The following BTBD9 variants were observed in gnomAD, a reference collection of about 807,000 sequenced individuals.
BTBD9 encodes BTB domain containing 9.
In BTBD9, 49 loss-of-function variants were observed where a neutral mutation model predicts 64.3. That is an observed-to-expected ratio of 0.76 (90% CI 0.61 to 0.97). BTBD9 has a LOEUF of 0.97. Among genes scored for constraint, BTBD9 ranks in the 50% least tolerant of loss-of-function variants. The pLI, the probability that BTBD9 is intolerant of heterozygous loss-of-function variation, is 0.00. For synonymous variants in BTBD9, 260 were observed against 274.7 expected (o/e 0.95, Z 0.53); for missense variants, 598 against 762.1 (o/e 0.78, Z 2.53).
chr6:38,542,590 T>C (rs961424366), intron 6 of BTBD9, among the ~76,000 whole-genome samples: 3 of 152,204 alleles, frequency 2.0e-5, no homozygotes, highest in African/African-American at 7.2e-5. Flanking sequence ...CATAGTATTT[T>C]TATAAACTAC....
chr6:38,636,978 T>C (rs1781708), intron 1 of BTBD9, among the ~76,000 whole-genome samples: 99,397 of 151,962 alleles, frequency 0.65, 32,902 homozygotes, highest in African/African-American at 0.76. Context: ...CCAAAAGCGC[T>C]ATTTAATTTT....
intron 6 of BTBD9, among the ~76,000 whole-genome samples, chr6:38,509,051 C>T (rs1008429971): frequency 6.6e-6 from 1 of 152,168 alleles, no homozygotes; most frequent in Non-Finnish European, 1.5e-5. Context: ...TTTTTAAACA[C>T]TTACTTGTAT....
chr6:38,293,416 C>A (rs1762035836), intron 7 of BTBD9, among the ~76,000 whole-genome samples: 1 of 152,142 alleles, frequency 6.6e-6, no homozygotes, highest in Non-Finnish European at 1.5e-5. Flanking sequence ...TGACTTCAAA[C>A]TACACTACAA....
intron 6 of BTBD9, among the ~76,000 whole-genome samples, chr6:38,380,282 TA>T (rs1765876149): frequency 6.6e-6 from 1 of 152,082 alleles, no homozygotes; most frequent in South Asian, 2.1e-4. Context: ...AGATTCTTAC[TA>T]AAGGAAATTC....
At chr6:38,616,732 G>A (rs995774572) in intron 1 of BTBD9, among the ~76,000 whole-genome samples, 5 of 152,132 alleles carry the variant, frequency 3.3e-5, no homozygotes, top group African/African-American at 1.2e-4. Context: ...GGACAATAAA[G>A]GAATAAAAGC....
chr6:38,305,762 G>A (rs1164737071), intron 7 of BTBD9, among the ~76,000 whole-genome samples: 1 of 152,106 alleles, frequency 6.6e-6, no homozygotes, highest in African/African-American at 2.4e-5. Flanking sequence ...AAGATTACAG[G>A]TATGAGCCAC....
intron 8 of BTBD9, among the ~76,000 whole-genome samples, chr6:38,285,448 G>A (rs1761692765): frequency 6.6e-6 from 1 of 151,978 alleles, no homozygotes; most frequent in African/African-American, 2.4e-5. Context: ...AACAGGGAGG[G>A]AAGGATAATG....
At chr6:38,401,634 A>C (rs1333615060) in intron 6 of BTBD9, among the ~76,000 whole-genome samples, 1 of 152,180 alleles carries the variant, frequency 6.6e-6, no homozygotes, top group African/African-American at 2.4e-5. Flanking sequence ...CATGTTGCTT[A>C]ATCTATTGTC....
chr6:38,348,023 C>A (rs1010330483), intron 6 of BTBD9, among the ~76,000 whole-genome samples: 7 of 151,936 alleles, frequency 4.6e-5, no homozygotes, highest in African/African-American at 1.7e-4. Context: ...ACAAAAAAGG[C>A]GCTGTCCAGC....
chr6:38,608,907 A>G (rs1476003507), intron 1 of BTBD9, among the ~76,000 whole-genome samples: 8 of 152,196 alleles, frequency 5.3e-5, no homozygotes, highest in Admixed American at 5.2e-4. Flanking sequence ...TAACTCCAAC[A>G]TAACATTCTG....
intron 9 of BTBD9, among the ~76,000 whole-genome samples, chr6:38,217,615 C>G (rs568832430): frequency 2.0e-5 from 3 of 151,712 alleles, no homozygotes; most frequent in African/African-American, 7.3e-5. Flanking sequence ...TGTGATGGAA[C>G]AGAATGTCTA....
At chr6:38,191,929 T>C (rs1473667868) in intron 10 of BTBD9, among the ~76,000 whole-genome samples, 2 of 152,254 alleles carry the variant, frequency 1.3e-5, no homozygotes, top group Admixed American at 1.3e-4. Flanking sequence ...CCCATGCGAC[T>C]GTCCTGGTGG....
chr6:38,429,661 A>C (rs1345489220), intron 6 of BTBD9, among the ~76,000 whole-genome samples: 2 of 151,908 alleles, frequency 1.3e-5, no homozygotes, highest in African/African-American at 4.9e-5. Flanking sequence ...AAAACCCTAA[A>C]GGAAAATCTA....
chr6:38,417,637 G>A lies in BTBD9; in HGVS notation c.1155-72544C>T, dbSNP rs1034244848. On this transcript the variant is annotated intron_variant, in intron 6 of 10. Transcript: ENST00000481247. ...AAAAATACAAAAATAAGCTGGGCAT[G>A]GTGGCACGTGCCTATAGTCCCAGCT... Among the ~76,000 whole-genome samples, 8 of 152,206 alleles carry A rather than the reference G, an allele frequency of 5.3e-5. No individual in the cohort carries two copies. In the East Asian group the frequency reaches 1.5e-3, roughly 29 times the overall value.
At chr6:38,238,447 A>G (rs1419057819) in intron 9 of BTBD9, among the ~76,000 whole-genome samples, 2 of 150,756 alleles carry the variant, frequency 1.3e-5, no homozygotes, top group East Asian at 3.9e-4. Context: ...TATGCTTTAC[A>G]GTAAGCTGTT....
chr6:38,247,135 T>TA (rs1764235910), intron 9 of BTBD9, among the ~76,000 whole-genome samples: 1 of 137,986 alleles, frequency 7.2e-6, no homozygotes, highest in Non-Finnish European at 1.5e-5. Flanking sequence ...ACATTGTCAC[T>TA]AACAATGGCA....
At chr6:38,373,848 T>C (rs1338744120) in intron 6 of BTBD9, among the ~76,000 whole-genome samples, 1 of 152,050 alleles carries the variant, frequency 6.6e-6, no homozygotes, top group East Asian at 1.9e-4. Context: ...TTAACATTGG[T>C]TTAAAATTCA....
Position 38,580,277 on chromosome 6 carries a change from C to T in BTBD9, c.975G>A (p.Lys325=), listed in dbSNP as rs1408147414. ...DDDCRSGIEI[K]LGQPSIINHI... ...GATTGATAATGGATGGCTGACCTAG[C>T]TTAATCTCGATGCCGGAACGGCAGT... The change falls in exon 5 of 11, where the codon AAG becomes AAA. Residue 325 remains lysine (K), a synonymous_variant. Coordinates refer to ENST00000481247, the MANE Select transcript of BTBD9 (RefSeq NM_001099272.2). 3 of 1,614,096 alleles carry T rather than the reference C, an allele frequency of 1.9e-6. No individual in the cohort carries two copies. Among genetic ancestry groups the T allele is most frequent in the Non-Finnish European group, 2.5e-6 (3 of 1,180,058 alleles).
intron 6 of BTBD9, among the ~76,000 whole-genome samples, chr6:38,374,489 GTC>G (rs1331641499): frequency 2.0e-5 from 3 of 150,888 alleles, no homozygotes; most frequent in African/African-American, 7.3e-5. Flanking sequence ...TAAAACAACT[GTC>G]TCTCTGACAC....
Sources: gnomAD v4.1 joint callset for allele counts (sites outside exome capture counted in the v4.1 genomes callset) on GRCh38, gnomAD v4.1.1 for gene constraint, MANE v1.5 for transcripts, NCBI Gene and HGNC (gene_info 2026-07-23, HGNC 2026-07-21) for gene names.